RHBDD1: variants seen among roughly 807,000 people sequenced by gnomAD.
The protein encoded by RHBDD1 is rhomboid-related protein 4.
RHBDD1 carries 38 observed loss-of-function variants against 36.3 expected under a neutral mutation model. The ratio of observed to expected loss-of-function variants is 1.05; its 90% CI spans 0.81 to 1.37. RHBDD1 has a LOEUF of 1.37. RHBDD1 is among the 40% of genes most tolerant of loss of function. The pLI, the probability that RHBDD1 is intolerant of heterozygous loss-of-function variation, is 0.00. For missense variants in RHBDD1, 393 were observed against 377.6 expected, an observed-to-expected ratio of 1.04 and a Z score of -0.34; for synonymous variants, 151 against 136.5, an observed-to-expected ratio of 1.11 and a Z score of -0.74.
intron 5 of RHBDD1, among the ~76,000 whole-genome samples, chr2:226,898,857 A>C (rs1402143143): frequency 6.6e-6 from 1 of 152,216 alleles, no homozygotes; most frequent in Non-Finnish European, 1.5e-5. Flanking sequence ...AGAGTACAAT[A>C]GGCCACTTCT....
chr2:226,851,883 C>T lies in RHBDD1; in HGVS notation c.-91+12256C>T, dbSNP rs116316097. The stretch of plus-strand genomic sequence containing the variant: ...GGATCTTTTACCCTCAACAGCCAGT[C>T]GTCAGTGTAGTAAAGCTTGGCGTTT... On this transcript the variant is annotated intron_variant, in intron 3 of 8. Coordinates refer to ENST00000392062, the MANE Select transcript of RHBDD1 (RefSeq NM_001167608.3). Among the ~76,000 whole-genome samples, 658 of 152,276 alleles carry T rather than the reference C, an allele frequency of 4.3e-3. 3 individuals carry two copies. Among genetic ancestry groups the T allele is most frequent in the African/African-American group, 0.015 (622 of 41,548 alleles).
At chr2:226,932,214 A>G (rs1246455204) in intron 8 of RHBDD1, among the ~76,000 whole-genome samples, 61 of 152,130 alleles carry the variant, frequency 4.0e-4, no homozygotes, top group Admixed American at 3.9e-3. Context: ...CCCAGGATAA[A>G]TCTCACCTGG....
the RHBDD1 span, among the ~76,000 whole-genome samples, chr2:226,822,758 T>C: frequency 6.6e-6 from 1 of 152,126 alleles, no homozygotes; most frequent in African/African-American, 2.4e-5. Flanking sequence ...GTGTTGTTTC[T>C]AAGAGATGAG....
At chr2:226,897,165 G>A (rs1055763238) in intron 5 of RHBDD1, among the ~76,000 whole-genome samples, 8 of 152,184 alleles carry the variant, frequency 5.3e-5, no homozygotes, top group Admixed American at 2.0e-4. Flanking sequence ...GCTTGTAGCT[G>A]CCTGAATCTT....
intron 8 of RHBDD1, among the ~76,000 whole-genome samples, chr2:226,945,821 T>C (rs979994951): frequency 2.6e-5 from 4 of 152,166 alleles, no homozygotes; most frequent in African/African-American, 9.7e-5. Flanking sequence ...CAGCATCTGT[T>C]TTTTACTGAC....
intron 5 of RHBDD1, among the ~76,000 whole-genome samples, chr2:226,894,686 T>C (rs995078391): frequency 2.0e-5 from 3 of 152,254 alleles, no homozygotes; most frequent in African/African-American, 7.2e-5. Flanking sequence ...GTGTACAAGA[T>C]GTGTTATTCA....
chr2:226,832,014 CTTATT>C (rs1329464273), upstream of RHBDD1, among the ~76,000 whole-genome samples: 3 of 148,198 alleles, frequency 2.0e-5, no homozygotes, highest in African/African-American at 7.4e-5. Flanking sequence ...ATTTTTGTTA[CTTATT>C]TTATTGATTT....
the RHBDD1 span, among the ~76,000 whole-genome samples, chr2:226,822,943 T>G: frequency 1.3e-5 from 2 of 152,088 alleles, no homozygotes; most frequent in African/African-American, 4.8e-5. Context: ...CTCGTCAACA[T>G]GGCAAAACCC....
At chr2:226,976,911 C>G (rs1268047889) in intron 8 of RHBDD1, among the ~76,000 whole-genome samples, 1 of 152,180 alleles carries the variant, frequency 6.6e-6, no homozygotes, top group Non-Finnish European at 1.5e-5. Context: ...TTTTGACCCC[C>G]TCCTCCCATT....
At chr2:226,932,109 A>G (rs1289638996) in intron 8 of RHBDD1, among the ~76,000 whole-genome samples, 3 of 152,076 alleles carry the variant, frequency 2.0e-5, no homozygotes, top group African/African-American at 7.2e-5. Flanking sequence ...TATTTTAAAA[A>G]TATTTTCTCT....
At chr2:226,898,220 C>T (rs894728327) in intron 5 of RHBDD1, among the ~76,000 whole-genome samples, 1 of 152,162 alleles carries the variant, frequency 6.6e-6, no homozygotes, top group Non-Finnish European at 1.5e-5. Context: ...ATGCGACCTA[C>T]TTGAACCAGC....
At chr2:226,914,586 TC>T (rs1948764994) in intron 8 of RHBDD1, 1 of 290,596 alleles carries the variant, frequency 3.4e-6, no homozygotes, top group Non-Finnish European at 6.3e-6. Context: ...CTTTTTATAG[TC>T]CTGCTGTACT....
At chr2:226,892,949 A>G (rs1282394134) in intron 5 of RHBDD1, among the ~76,000 whole-genome samples, 7 of 152,226 alleles carry the variant, frequency 4.6e-5, no homozygotes, top group Admixed American at 6.5e-5. Context: ...AAGGGATTCT[A>G]AAGTGCAGCC....
At chr2:226,923,001 A>C (rs1949432857) in intron 8 of RHBDD1, among the ~76,000 whole-genome samples, 1 of 152,074 alleles carries the variant, frequency 6.6e-6, no homozygotes, top group African/African-American at 2.4e-5. Flanking sequence ...TGTTGTAGTT[A>C]TTATTTTTGA....
intron 8 of RHBDD1, among the ~76,000 whole-genome samples, chr2:226,921,331 T>A (rs1310849099): frequency 6.6e-6 from 1 of 152,134 alleles, no homozygotes; most frequent in Non-Finnish European, 1.5e-5. Flanking sequence ...ATTGTTTTTT[T>A]CGTTTCATTT....
intron 5 of RHBDD1, among the ~76,000 whole-genome samples, chr2:226,882,257 C>G (rs1177487310): frequency 6.6e-6 from 1 of 151,336 alleles, no homozygotes; most frequent in Non-Finnish European, 1.5e-5. Flanking sequence ...TGGTGAAACC[C>G]CATCTCTACT....
intron 8 of RHBDD1, among the ~76,000 whole-genome samples, chr2:226,975,639 A>G (rs1166728527): frequency 2.6e-5 from 4 of 152,188 alleles, no homozygotes; most frequent in South Asian, 2.1e-4. Context: ...CTATTGTCCA[A>G]TGCAGGGAAA....
At chr2:226,925,729 T>C (rs1221608535) in intron 8 of RHBDD1, among the ~76,000 whole-genome samples, 1 of 152,190 alleles carries the variant, frequency 6.6e-6, no homozygotes, top group Non-Finnish European at 1.5e-5. Context: ...CCTGTTTCCT[T>C]GAAACTAGTT....
At chr2:226,816,027 T>A in the RHBDD1 span, among the ~76,000 whole-genome samples, 1 of 152,146 alleles carries the variant, frequency 6.6e-6, no homozygotes, top group East Asian at 1.9e-4. Flanking sequence ...TGTCTGTTAG[T>A]GTGTAGGTGA....
Sources: allele counts gnomAD v4.1 joint callset (sites outside exome capture counted in the v4.1 genomes callset), GRCh38; gene constraint gnomAD v4.1.1; transcripts MANE v1.5; gene names NCBI Gene and HGNC (gene_info 2026-07-23, HGNC 2026-07-21).